SNX4: variants seen among roughly 807,000 people sequenced by gnomAD.
The protein encoded by SNX4 is sorting nexin-4.
SNX4 carries 49 observed loss-of-function variants against 70.8 expected under a neutral mutation model. The observed-to-expected ratio is 0.69, with a 90% CI of 0.55 to 0.88. The LOEUF is 0.88. Ranked by LOEUF, SNX4 falls within the 40% of genes least tolerant of loss-of-function variation. The pLI is 0.00. For synonymous variants in SNX4, 206 were observed against 183.8 expected (o/e 1.12, Z -0.98); for missense variants, 528 against 544.8 (o/e 0.97, Z 0.31).
At chr3:125,461,994 G>GA (rs1183702772) in intron 9 of SNX4, among the ~76,000 whole-genome samples, 1 of 152,096 alleles carries the variant, frequency 6.6e-6, no homozygotes, top group African/African-American at 2.4e-5. Context: ...CTTTGATTGG[G>GA]AGACTCCCTC....
Position 125,457,369 on chromosome 3 carries a change from C to T in SNX4, c.945-4G>A. 6.2e-7 allele frequency: 1 copy of T among 1,609,922 alleles called. No individual in the cohort carries two copies. Among genetic ancestry groups the T allele is most frequent in the Non-Finnish European group, 8.5e-7 (1 of 1,176,364 alleles). On this transcript the variant is annotated splice_region_variant and splice_polypyrimidine_tract_variant and intron_variant, in intron 10 of 13. Coordinates refer to ENST00000251775, the MANE Select transcript of SNX4 (RefSeq NM_003794.4). Reference sequence around the variant, plus strand: ...TTCATGTTTCCTGCACACAGCCCTACAGATGAAAAAATGTGCTGCCATTTA... The same window carrying T: ...TTCATGTTTCCTGCACACAGCCCTATAGATGAAAAAATGTGCTGCCATTTA...
intron 11 of SNX4, among the ~76,000 whole-genome samples, chr3:125,456,880 C>T (rs1933730415): frequency 6.6e-6 from 1 of 151,988 alleles, no homozygotes; most frequent in African/African-American, 2.4e-5. Flanking sequence ...AGGCTAATCT[C>T]GAACTCCTGA....
At chr3:125,510,790 C>T (rs1009586767) in intron 1 of SNX4, among the ~76,000 whole-genome samples, 3 of 152,320 alleles carry the variant, frequency 2.0e-5, no homozygotes, top group East Asian at 3.9e-4. Flanking sequence ...TGTGGTTTAA[C>T]AGGTACAATT....
At chr3:125,480,410 A>T in intron 6 of SNX4, 91 bp from the exon 7 acceptor site, 1 of 626,684 alleles carries the variant, frequency 1.6e-6, no homozygotes. Flanking sequence ...CGACAATAAC[A>T]AAACTGATTC....
At chr3:125,492,595 C>G (rs561088925) in intron 5 of SNX4, among the ~76,000 whole-genome samples, 1 of 152,120 alleles carries the variant, frequency 6.6e-6, no homozygotes, top group South Asian at 2.1e-4. Flanking sequence ...CTGTCATATT[C>G]CCCAACAAGG....
At position 125,447,745 on chromosome 3, in the gene SNX4, G is replaced by A. The variant is rs1406227247; in HGVS notation, c.*34C>T. On this transcript the variant is annotated 3_prime_UTR_variant, in exon 14 of 14. Transcript: ENST00000251775. ...TATTTACTTGTGCTTCTGTTTTGGG[G>A]CACTTTGATTGAAGAGAAATTCAAT... 5 of 1,521,416 alleles carry A rather than the reference G, an allele frequency of 3.3e-6. No homozygotes were observed. Among genetic ancestry groups the A allele is most frequent in the Non-Finnish European group, 4.5e-6 (5 of 1,111,762 alleles). The allele number at this position is 1,521,416 out of a possible 1,614,324, so 94.2% of individuals were successfully genotyped here.
intron 8 of SNX4, among the ~76,000 whole-genome samples, chr3:125,471,013 CA>C (rs1934155588): frequency 6.6e-6 from 1 of 152,106 alleles, no homozygotes; most frequent in African/African-American, 2.4e-5. Flanking sequence ...CTACCAGTCC[CA>C]ACTTAAGGCA....
chr3:125,475,052 A>T (rs1934259599), intron 8 of SNX4, among the ~76,000 whole-genome samples: 1 of 152,182 alleles, frequency 6.6e-6, no homozygotes, highest in Non-Finnish European at 1.5e-5. Context: ...ATTCTTTTAC[A>T]GTTGACCATA....
chr3:125,490,260 C>G (rs60147822), intron 5 of SNX4, among the ~76,000 whole-genome samples: 1 of 151,978 alleles, frequency 6.6e-6, no homozygotes, highest in African/African-American at 2.4e-5. Flanking sequence ...CTAGGCCGGG[C>G]GCGGTGGCTC....
intron 7 of SNX4, among the ~76,000 whole-genome samples, chr3:125,479,556 AAATAAT>A (rs377153136): frequency 7.3e-5 from 11 of 150,538 alleles, no homozygotes; most frequent in East Asian, 1.9e-4. Context: ...CTCCATCTCA[AAATAAT>A]AATAATAATA....
chr3:125,505,121 C>G (rs1241301873), intron 1 of SNX4, among the ~76,000 whole-genome samples: 1 of 152,150 alleles, frequency 6.6e-6, no homozygotes, highest in East Asian at 1.9e-4. Flanking sequence ...AGGCACGCAC[C>G]AACATGCTCA....
intron 13 of SNX4, among the ~76,000 whole-genome samples, chr3:125,451,093 C>T (rs2107838315): frequency 6.6e-6 from 1 of 151,780 alleles, no homozygotes; most frequent in Admixed American, 6.6e-5. Flanking sequence ...TAGCGAGACC[C>T]CCCCATATCT....
chr3:125,506,817 T>TGAAA lies in SNX4; in HGVS notation c.142-2074_142-2073insTTTC, dbSNP rs199752160. Among the ~76,000 whole-genome samples the TGAAA allele has an allele frequency of 1.2e-3, 32 of 26,832 alleles. 2 individuals are homozygous for TGAAA. The highest frequency in any genetic ancestry group is 3.0e-3 in the African/African-American group (31 of 10,272). The allele number at this position is 26,832 out of a possible 152,430, so 17.6% of individuals were successfully genotyped here. ...AACTTAAAGAAAGATGTGGAGAAAGTAAAAAAAAAAAAAAAAAAAAAAAAA... is the reference window on the plus strand; with the variant it reads ...AACTTAAAGAAAGATGTGGAGAAAGTGAAAAAAAAAAAAAAAAAAAAAAAAAAAA... On this transcript the variant is annotated intron_variant, in intron 1 of 13. Transcript: ENST00000251775.
chr3:125,506,834 A>AAAAAAAAAAAAAAAAAAAAAAAAAAG (rs1935055605), intron 1 of SNX4, among the ~76,000 whole-genome samples: 1 of 135,858 alleles, frequency 7.4e-6, no homozygotes, highest in Non-Finnish European at 1.5e-5. Flanking sequence ...AAAAAAAAAA[A>AAAAAAAAAAAAAAAAAAAAAAAAAAG]AAAAAAAAAA....
At chr3:125,510,911 T>C (rs1935157504) in intron 1 of SNX4, among the ~76,000 whole-genome samples, 1 of 152,218 alleles carries the variant, frequency 6.6e-6, no homozygotes, top group African/African-American at 2.4e-5. Flanking sequence ...ATATCATATA[T>C]ATTTTAACAC....
chr3:125,458,711 G>A (rs1933791651), intron 10 of SNX4, among the ~76,000 whole-genome samples: 1 of 151,482 alleles, frequency 6.6e-6, no homozygotes, highest in Non-Finnish European at 1.5e-5. Context: ...CTACGCGGGA[G>A]GCTGAAGCAG....
chr3:125,454,951 T>G (rs1933672033), intron 11 of SNX4, among the ~76,000 whole-genome samples: 2 of 151,708 alleles, frequency 1.3e-5, no homozygotes, highest in Non-Finnish European at 2.9e-5. Context: ...TTTTTTGAAA[T>G]GGGGTCTTGC....
chr3:125,490,336 C>T (rs994677833), intron 5 of SNX4, among the ~76,000 whole-genome samples: 1 of 151,562 alleles, frequency 6.6e-6, no homozygotes, highest in Non-Finnish European at 1.5e-5. Flanking sequence ...AGATCGAGAC[C>T]ACGGTGAAAC....
Position 125,489,411 on chromosome 3 carries a change from T to C in SNX4, c.650A>G (p.Asp217Gly). ...TGTTATTAAAACAAAACCTTACTTG[T>C]CTGGGTTTTTCACTCTGAATGTTGC... Reference protein sequence around the residue: ...LNATFRVKNPDKRFTDLKHYS... With the variant: ...LNATFRVKNPGKRFTDLKHYS... Residue 217 changes from aspartate (D) to glycine (G), a missense_variant, in exon 6 of 14, where the codon GAC (aspartate) becomes GGC (glycine). By Grantham distance (94) the Asp-to-Gly change is moderately conservative. Coordinates refer to ENST00000251775, the MANE Select transcript of SNX4 (RefSeq NM_003794.4). The C allele has an allele frequency of 6.2e-7, 1 of 1,611,786 alleles. No homozygotes were observed. The highest frequency in any genetic ancestry group is 8.5e-7 in the Non-Finnish European group (1 of 1,178,364).
Sources: gnomAD v4.1 joint callset for allele counts (sites outside exome capture counted in the v4.1 genomes callset) on GRCh38, gnomAD v4.1.1 for gene constraint, MANE v1.5 for transcripts, NCBI Gene and HGNC (gene_info 2026-07-23, HGNC 2026-07-21) for gene names.